Variants in OIP5 observed in about 807,000 individuals in gnomAD.
OIP5 encodes Opa interacting protein 5.
A neutral mutation model predicts 20.3 loss-of-function variants in OIP5; 24 were observed. That is an observed-to-expected ratio of 1.18 (90% CI 0.86 to 1.66). The LOEUF (loss-of-function observed/expected upper bound fraction) is 1.66. OIP5 is among the 40% of genes most tolerant of loss of function. OIP5 has a pLI of 0.00. For synonymous variants in OIP5, 143 were observed against 121.3 expected, an observed-to-expected ratio of 1.18 and a Z score of -1.17; for missense variants, 339 against 289.5, an observed-to-expected ratio of 1.17 and a Z score of -1.24.
chr15:41,332,532 T>G lies in OIP5; in HGVS notation c.30A>C (p.Ser10=). 3 of 1,611,030 alleles carry G rather than the reference T, an allele frequency of 1.9e-6. No individual in the cohort carries two copies. Among genetic ancestry groups the G allele is most frequent in the South Asian group, 1.1e-5 (1 of 90,902 alleles). Residue 10 remains serine, a synonymous_variant, in exon 1 of 5, where the codon TCA becomes TCC. Coordinates refer to ENST00000220514, the MANE Select transcript of OIP5 (RefSeq NM_007280.2). The part of the protein sequence containing the change: MAAQPLRHR[S]RCATPPRGDF... ...CCCCCCGGGGCGGCGTTGCACAACG[T>G]GAGCGATGCCGCAGCGGCTGAGCCG... is the stretch of plus-strand genomic sequence containing the variant.
At chr15:41,321,340 G>A (rs1000635847) in intron 2 of OIP5, among the ~76,000 whole-genome samples, 5 of 151,772 alleles carry the variant, frequency 3.3e-5, no homozygotes, top group African/African-American at 7.2e-5. Flanking sequence ...CCCCGTCCGC[G>A]AGGTGATGGG....
intron 3 of OIP5, among the ~76,000 whole-genome samples, chr15:41,314,726 G>C (rs1007040335): frequency 1.3e-5 from 2 of 151,438 alleles, no homozygotes; most frequent in African/African-American, 4.9e-5. Context: ...CCGCCTTCCA[G>C]GTTCAAGCAA....
chr15:41,331,703 G>A (rs2140470755), intron 2 of OIP5, among the ~76,000 whole-genome samples: 1 of 152,080 alleles, frequency 6.6e-6, no homozygotes, highest in Middle Eastern at 3.4e-3. Flanking sequence ...CACTTCACTT[G>A]TACAAGCCAC....
At chr15:41,312,856 C>T (rs1192908730) in intron 4 of OIP5, among the ~76,000 whole-genome samples, 1 of 151,190 alleles carries the variant, frequency 6.6e-6, no homozygotes, top group Non-Finnish European at 1.5e-5. Flanking sequence ...TCTCCATCTC[C>T]TGACCTCATG....
At chr15:41,324,561 T>C (rs944870763) in intron 2 of OIP5, among the ~76,000 whole-genome samples, 1 of 151,996 alleles carries the variant, frequency 6.6e-6, no homozygotes, top group Non-Finnish European at 1.5e-5. Flanking sequence ...GTGTTCTTGG[T>C]GCACTGCAAC....
At chr15:41,323,881 C>T (rs970179352) in intron 2 of OIP5, among the ~76,000 whole-genome samples, 2 of 152,020 alleles carry the variant, frequency 1.3e-5, no homozygotes, top group Admixed American at 6.6e-5. Flanking sequence ...CTTTAGTGTA[C>T]CCACTTTCAT....
At chr15:41,310,628 CAAAA>C (rs1240547687) in intron 4 of OIP5, among the ~76,000 whole-genome samples, 4 of 60,388 alleles carry the variant, frequency 6.6e-5, no homozygotes, top group Admixed American at 1.9e-4. Flanking sequence ...GACTCCGTCT[CAAAA>C]AAAAAAAAAA....
At chr15:41,323,296 T>G (rs2047841487) in intron 2 of OIP5, among the ~76,000 whole-genome samples, 1 of 152,094 alleles carries the variant, frequency 6.6e-6, no homozygotes, top group South Asian at 2.1e-4. Flanking sequence ...AACAGCCTGG[T>G]CAACATGGTG....
intron 3 of OIP5, among the ~76,000 whole-genome samples, chr15:41,317,764 G>C (rs991644854): frequency 5.3e-5 from 8 of 152,008 alleles, no homozygotes; most frequent in Non-Finnish European, 1.2e-4. Flanking sequence ...CTGTAACCTT[G>C]AACTCCTGGG....
chr15:41,313,124 T>G, intron 4 of OIP5, 149 bp downstream of exon 4: 1 of 633,714 alleles, frequency 1.6e-6, no homozygotes, highest in Non-Finnish European at 2.8e-6. Flanking sequence ...TAGTATTTTG[T>G]TTTTCATTAC....
chr15:41,332,096 C>A, intron 1 of OIP5, 115 bp from the exon 2 acceptor site: 1 of 1,326,822 alleles, frequency 7.5e-7, no homozygotes. Context: ...CGATTCCCTG[C>A]CCCATCCCCA....
chr15:41,313,249 C>T (rs1567024114), intron 4 of OIP5, 24 bp downstream of exon 4: 1 of 1,415,106 alleles, frequency 7.1e-7, no homozygotes, highest in South Asian at 1.2e-5. Context: ...TTTAAAAAAG[C>T]ATACAACCAT....
chr15:41,316,788 T>TC (rs1366670754), intron 3 of OIP5, among the ~76,000 whole-genome samples: 19 of 41,150 alleles, frequency 4.6e-4, no homozygotes, highest in Non-Finnish European at 6.9e-4. Context: ...AGACTCCATC[T>TC]CAAAAAAAAA....
At chr15:41,321,095 CCCAT>C in intron 2 of OIP5, among the ~76,000 whole-genome samples, 1 of 106,828 alleles carries the variant, frequency 9.4e-6, no homozygotes. Flanking sequence ...CGGCAGCCAC[CCCAT>C]CTGGGAAGTG....
intron 2 of OIP5, among the ~76,000 whole-genome samples, chr15:41,326,649 C>T (rs1180180897): frequency 6.6e-6 from 1 of 152,222 alleles, no homozygotes; most frequent in African/African-American, 2.4e-5. Flanking sequence ...TGGTCTCGAA[C>T]TCCTGACCTC....
In OIP5 at chr15:41,320,490, G is replaced by A. The variant is rs745530161; in HGVS notation, c.390-710C>T. Among the ~76,000 whole-genome samples, 10 of 152,278 alleles carry A rather than the reference G, an allele frequency of 6.6e-5. No homozygotes were observed. In the East Asian group the frequency reaches 7.7e-4, roughly 12 times the overall value. Reference sequence around the variant, plus strand: ...AGACGGGGTTTCGCTGTGTTGGCTGGGCTGGTCTCCAGCTCCTAACCGCGA... The same window carrying A: ...AGACGGGGTTTCGCTGTGTTGGCTGAGCTGGTCTCCAGCTCCTAACCGCGA... On this transcript the variant is annotated intron_variant, in intron 2 of 4. Coordinates refer to ENST00000220514, the MANE Select transcript of OIP5 (RefSeq NM_007280.2).
Position 41,309,658 on chromosome 15 carries a change from T to A in OIP5, c.*96A>T. 1.3e-6 allele frequency: 1 copy of A among 777,276 alleles called. No homozygotes were observed. Among genetic ancestry groups the A allele is most frequent in the Non-Finnish European group, 2.1e-6 (1 of 474,142 alleles). The allele number at this position is 777,276 out of a possible 1,614,324, so 48.1% of individuals were successfully genotyped here. A position where few individuals can be genotyped will look rare whatever the true frequency, so the allele number is the denominator to read the frequency against. ...AATAGAAACTGCATTTCCCCTCCATTCTTGAAGCCAATCTTTTTCAAGAAA... is the reference window on the plus strand; with the variant it reads ...AATAGAAACTGCATTTCCCCTCCATACTTGAAGCCAATCTTTTTCAAGAAA... On this transcript the variant is annotated 3_prime_UTR_variant, in exon 5 of 5. Transcript: ENST00000220514.
intron 2 of OIP5, among the ~76,000 whole-genome samples, chr15:41,329,063 C>CAAAAAAAAAAA (rs1166517767): frequency 2.4e-4 from 12 of 50,370 alleles, no homozygotes; most frequent in African/African-American, 6.1e-4. Flanking sequence ...GACTCCATCT[C>CAAAAAAAAAAA]AAAAAAAAAA....
In OIP5 at chr15:41,325,870, G is replaced by C. The variant is rs540497321; in HGVS notation, c.389+6045C>G. Among the ~76,000 whole-genome samples the C allele has an allele frequency of 3.0e-3, 424 of 140,912 alleles. 3 individuals carry two copies. The highest frequency in any genetic ancestry group is 4.6e-3 in the Non-Finnish European group (297 of 64,596). The allele number at this position is 140,912 out of a possible 152,430, so 92.4% of individuals were successfully genotyped here. ...GTCTCAAAAAAAAAAAAAAAAAATT[G>C]CATTACCTGGGCTGGGCATAGTGGC... is the stretch of plus-strand genomic sequence containing the variant. On this transcript the variant is annotated intron_variant, in intron 2 of 4. Transcript: ENST00000220514.
Sources: gnomAD v4.1 joint callset for allele counts (sites outside exome capture counted in the v4.1 genomes callset) on GRCh38, gnomAD v4.1.1 for gene constraint, MANE v1.5 for transcripts, NCBI Gene and HGNC (gene_info 2026-07-23, HGNC 2026-07-21) for gene names.